LTB4R2: variants seen among roughly 807,000 people sequenced by gnomAD.
The protein encoded by LTB4R2 is LTB4 receptor JULF2.
In LTB4R2, 6 loss-of-function variants were observed where a neutral mutation model predicts 5.3. The observed-to-expected ratio is 1.14, with a 90% CI of 0.62 to 2.24. The LOEUF (loss-of-function observed/expected upper bound fraction) is 2.24. LTB4R2 is among the 30% of genes most tolerant of loss of function. LTB4R2 has a pLI of 0.00. For missense variants in LTB4R2, 560 were observed against 521.5 expected, an observed-to-expected ratio of 1.07 and a Z score of -0.72; for synonymous variants, 310 against 264.2, an observed-to-expected ratio of 1.17 and a Z score of -1.68.
At chr14:24,310,464 G>T in intron 1 of LTB4R2, 191 bp from the exon 2 acceptor site, 1 of 706,124 alleles carries the variant, frequency 1.4e-6, no homozygotes, top group Non-Finnish European at 2.6e-6. Flanking sequence ...GGGAGCAGGG[G>T]ATCTGGGTTC....
rs546778239 is a variant in LTB4R2, at chr14:24,311,568, C to T, written c.904C>T (p.Arg302Cys). The part of the protein sequence containing the change: ...AGDLLPRAGP[R>C]FLTRLFEGSG... ...AGATCTGCTGCCCCGGGCAGGTCCC[C>T]GTTTCCTCACGCGGCTCTTCGAAGG... The change falls in exon 2 of 2, where the codon CGT (arginine) becomes TGT (cysteine). Residue 302 changes from arginine to cysteine, a missense_variant. By Grantham distance (180) the Arg-to-Cys change is radical. Transcript: ENST00000533293. The T allele has an allele frequency of 8.1e-6, 13 of 1,610,114 alleles. No individual in the cohort carries two copies. The East Asian group carries it at 1.6e-4, about 19-fold the overall frequency.
rs1245688036 is a variant in LTB4R2, at chr14:24,311,449, T to C, written c.785T>C (p.Leu262Pro). ...LAPPEGALAK[L>P]GGAGQAARAG... ...CCACCGGAAGGGGCCTTGGCGAAGC[T>C]GGGCGGAGCCGGCCAGGCGGCGCGA... The change falls in exon 2 of 2, where the codon CTG (leucine) becomes CCG (proline). Residue 262 changes from leucine (L) to proline (P), a missense_variant. Leu to Pro is a moderately conservative substitution (Grantham distance 98). Transcript: ENST00000533293. The C allele has an allele frequency of 1.2e-6, 2 of 1,601,262 alleles. No individual in the cohort carries two copies. The highest frequency in any genetic ancestry group is 3.3e-5 in the Admixed American group (2 of 60,006).
rs896592238 is a variant in LTB4R2 at position 24,311,973 on chromosome 14, C to G, written c.*232C>G. 2 of 513,900 alleles carry G rather than the reference C, an allele frequency of 3.9e-6. No homozygotes were observed. The highest frequency in any genetic ancestry group is 3.8e-5 in the South Asian group (1 of 26,180). The allele number at this position is 513,900 out of a possible 1,614,324, so 31.8% of individuals were successfully genotyped here. Reference sequence around the variant, plus strand: ...TGTGTGCTTGCAAGTTGGCATGTACCCATGTGCCAGCATTGCTTACTTGTT... The same window carrying G: ...TGTGTGCTTGCAAGTTGGCATGTACGCATGTGCCAGCATTGCTTACTTGTT... On this transcript the variant is annotated 3_prime_UTR_variant, in exon 2 of 2. Transcript: ENST00000533293.
rs1478505668 is a variant in LTB4R2, at chr14:24,311,185, C to T, written c.521C>T (p.Ser174Leu). The T allele has an allele frequency of 1.0e-5, 16 of 1,607,510 alleles. No individual in the cohort carries two copies. The East Asian group carries it at 2.2e-4, about 23-fold the overall frequency. Residue 174 changes from serine (S) to leucine (L), a missense_variant, in exon 2 of 2, where the codon TCG becomes TTG. Coordinates refer to ENST00000533293, the MANE Select transcript of LTB4R2 (RefSeq NM_019839.5). ...RDRVCQLCHP[S>L]PVHAAAHLSL... is the part of the protein sequence containing the mutation. ...CGCGTATGCCAGCTGTGCCACCCGT[C>T]GCCGGTCCACGCCGCCGCCCACCTG...
In LTB4R2 at chr14:24,310,958, C is replaced by T; in HGVS notation, c.294C>T (p.Tyr98=). The change falls in exon 2 of 2, where the codon TAC becomes TAT. Residue 98 remains tyrosine (Y), a synonymous_variant. Transcript: ENST00000533293. ...PLGQAGCKAV[Y]YVCALSMYAS... The stretch of plus-strand genomic sequence containing the variant: ...GCCAGGCGGGCTGCAAGGCGGTGTA[C>T]TACGTGTGCGCGCTCAGCATGTACG... The T allele has an allele frequency of 1.9e-6, 3 of 1,592,224 alleles. No homozygotes were observed. Among genetic ancestry groups the T allele is most frequent in the Non-Finnish European group, 2.5e-6 (3 of 1,177,148 alleles).
chr14:24,310,758 C>T lies in LTB4R2; in HGVS notation c.94C>T (p.Leu32=). Residue 32 remains leucine, a synonymous_variant, in exon 2 of 2, where the codon CTG becomes TTG. Coordinates refer to ENST00000533293, the MANE Select transcript of LTB4R2 (RefSeq NM_019839.5). The part of the protein sequence containing the change: ...TGTAFLLLAA[L]LGLPGNGFVV... ...CACAGCCTTCCTGCTGCTGGCGGCGCTGCTGGGGCTGCCTGGCAACGGCTT... is the reference window on the plus strand; with the variant it reads ...CACAGCCTTCCTGCTGCTGGCGGCGTTGCTGGGGCTGCCTGGCAACGGCTT... 1 of 1,608,688 alleles carries T rather than the reference C, an allele frequency of 6.2e-7. No individual in the cohort carries two copies.
chr14:24,310,257 T>C lies in LTB4R2; in HGVS notation c.-11+2T>C. On this transcript the variant is annotated splice_donor_variant, in intron 1 of 1. Transcript: ENST00000533293. LOFTEE classifies it low-confidence loss of function (5UTR_SPLICE). ...CCAATCCTGCTTGCTCCCAGCTTGG[T>C]AAGTAGATCTGTGCACGTCCCTTTA... 2.0e-6 allele frequency: 1 copy of C among 511,194 alleles called. No homozygotes were observed. Among genetic ancestry groups the C allele is most frequent in the South Asian group, 2.5e-5 (1 of 40,242 alleles). The allele number at this position is 511,194 out of a possible 1,614,324, so 31.7% of individuals were successfully genotyped here.
rs753822712 is a variant in LTB4R2 at position 24,311,075 on chromosome 14, G to T, written c.411G>T (p.Leu137=). 6.4e-7 allele frequency: 1 copy of T among 1,561,932 alleles called. No individual in the cohort carries two copies. Among genetic ancestry groups the T allele is most frequent in the Non-Finnish European group, 8.6e-7 (1 of 1,162,534 alleles). The change falls in exon 2 of 2, where the codon CTG becomes CTT. Residue 137 remains leucine, a synonymous_variant. Transcript: ENST00000533293. ...FLAPRLRSPA[L]ARRLLLAVWL... ...CGCCTCGGCTGCGCAGCCCGGCCCT[G>T]GCCCGCCGCCTGCTGCTGGCGGTCT...
rs1020012969 is a variant in LTB4R2 at position 24,310,237 on chromosome 14, C to G, written c.-29C>G. The G allele has an allele frequency of 2.1e-6, 1 of 483,446 alleles. No homozygotes were observed. The highest frequency in any genetic ancestry group is 3.7e-6 in the Non-Finnish European group (1 of 269,806). The allele number at this position is 483,446 out of a possible 1,614,324, so 29.9% of individuals were successfully genotyped here. On this transcript the variant is annotated 5_prime_UTR_variant, in exon 1 of 2. In the 5' UTR this introduces an upstream ATG that the reference lacks. Transcript: ENST00000533293. ...CTTTCAGCTTCTCCAGGCCCCCAAT[C>G]CTGCTTGCTCCCAGCTTGGTAAGTA...
In LTB4R2 at chr14:24,311,477, G is replaced by C. The variant is rs752851360; in HGVS notation, c.813G>C (p.Ala271=). The C allele has an allele frequency of 6.2e-6, 10 of 1,601,304 alleles. No individual in the cohort carries two copies. The South Asian group carries it at 1.1e-4, about 18-fold the overall frequency. ...GCGGAGCCGGCCAGGCGGCGCGAGCGGGAACTACGGCCTTGGCCTTCTTCA... is the reference window on the plus strand; with the variant it reads ...GCGGAGCCGGCCAGGCGGCGCGAGCCGGAACTACGGCCTTGGCCTTCTTCA... The part of the protein sequence containing the change: ...KLGGAGQAAR[A]GTTALAFFSS... The change falls in exon 2 of 2, where the codon GCG becomes GCC. Residue 271 remains alanine (A), a synonymous_variant. Transcript: ENST00000533293.
At position 24,311,308 on chromosome 14, in the gene LTB4R2, C is replaced by T. The variant is rs1159303888; in HGVS notation, c.644C>T (p.Ser215Phe). 1.9e-6 allele frequency: 3 copies of T among 1,593,768 alleles called. No homozygotes were observed. The highest frequency in any genetic ancestry group is 1.7e-5 in the Admixed American group (1 of 57,414). Reference protein sequence around the residue: ...LARLRGARWGSGRHGARVGRL... With the variant: ...LARLRGARWGFGRHGARVGRL... The stretch of plus-strand genomic sequence containing the variant: ...CGGCTGCGGGGCGCCCGCTGGGGCT[C>T]CGGGCGGCACGGGGCGCGGGTGGGC... Residue 215 changes from serine to phenylalanine, a missense_variant, in exon 2 of 2, where the codon TCC (serine) becomes TTC (phenylalanine). Coordinates refer to ENST00000533293, the MANE Select transcript of LTB4R2 (RefSeq NM_019839.5).
In LTB4R2 at chr14:24,310,774, G is replaced by C; in HGVS notation, c.110G>C (p.Gly37Ala). 1.2e-6 allele frequency: 2 copies of C among 1,607,450 alleles called. No homozygotes were observed. The highest frequency in any genetic ancestry group is 1.7e-6 in the Non-Finnish European group (2 of 1,179,210). The part of the protein sequence containing the change: ...LLLAALLGLP[G>A]NGFVVWSLAG... ...CTGGCGGCGCTGCTGGGGCTGCCTG[G>C]CAACGGCTTCGTGGTGTGGAGCTTG... The change falls in exon 2 of 2, where the codon GGC becomes GCC. Residue 37 changes from glycine to alanine, a missense_variant. Coordinates refer to ENST00000533293, the MANE Select transcript of LTB4R2 (RefSeq NM_019839.5).
In LTB4R2 at chr14:24,311,494, CCTT is replaced by C. The variant is rs1231966317; in HGVS notation, c.835_837del (p.Phe279del). On this transcript the variant is annotated inframe_deletion, in exon 2 of 2. Coordinates refer to ENST00000533293, the MANE Select transcript of LTB4R2 (RefSeq NM_019839.5). ...GCGCGAGCGGGAACTACGGCCTTGG[CCTT>C]CTTCAGTTCTAGCGTCAACCCGGTG... is the stretch of plus-strand genomic sequence containing the variant. 5 of 1,601,794 alleles carry C rather than the reference CCTT, an allele frequency of 3.1e-6. No homozygotes were observed. The highest frequency in any genetic ancestry group is 1.3e-5 in the African/African-American group (1 of 74,958).
intron 1 of LTB4R2, 129 bp downstream of exon 1, chr14:24,310,384 G>A: frequency 1.6e-6 from 1 of 617,496 alleles, no homozygotes; most frequent in South Asian, 1.9e-5. Context: ...ACAGCCTGGG[G>A]TGATGACTTT....
At position 24,310,712 on chromosome 14, in the gene LTB4R2, G is replaced by C. The variant is rs544367385; in HGVS notation, c.48G>C (p.Trp16Cys). Residue 16 changes from tryptophan to cysteine, a missense_variant, in exon 2 of 2, where the codon TGG becomes TGC. Transcript: ENST00000533293. ...CAGGGAACGAGACACTGCTGAGCTGGAAGACTTCGCGGGCCACAGGCACAG... is the reference window on the plus strand; with the variant it reads ...CAGGGAACGAGACACTGCTGAGCTGCAAGACTTCGCGGGCCACAGGCACAG... ...RPPGNETLLSWKTSRATGTAF... is the reference protein window; with the variant it reads ...RPPGNETLLSCKTSRATGTAF... 9.9e-6 allele frequency: 16 copies of C among 1,612,958 alleles called. No homozygotes were observed. The East Asian group carries it at 3.3e-4, about 34-fold the overall frequency.
At position 24,311,095 on chromosome 14, in the gene LTB4R2, C is replaced by A. The variant is rs895870911; in HGVS notation, c.431C>A (p.Ala144Glu). Residue 144 changes from alanine (A) to glutamate (E), a missense_variant, in exon 2 of 2, where the codon GCG (alanine) becomes GAG (glutamate). Ala to Glu is a moderately radical substitution (Grantham distance 107, BLOSUM62 -1). Transcript: ENST00000533293. ...SPALARRLLL[A>E]VWLAALLLAV... ...GCCCTGGCCCGCCGCCTGCTGCTGGCGGTCTGGCTGGCCGCCCTGTTGCTC... is the reference window on the plus strand; with the variant it reads ...GCCCTGGCCCGCCGCCTGCTGCTGGAGGTCTGGCTGGCCGCCCTGTTGCTC... 1 of 1,562,972 alleles carries A rather than the reference C, an allele frequency of 6.4e-7. No individual in the cohort carries two copies. The highest frequency in any genetic ancestry group is 8.6e-7 in the Non-Finnish European group (1 of 1,161,910).
chr14:24,310,970 G>C lies in LTB4R2; in HGVS notation c.306G>C (p.Ala102=), dbSNP rs958060467. 5.0e-6 allele frequency: 8 copies of C among 1,591,144 alleles called. No homozygotes were observed. The African/African-American group carries it at 6.8e-5, about 14-fold the overall frequency. Residue 102 remains alanine, a synonymous_variant, in exon 2 of 2, where the codon GCG becomes GCC. Coordinates refer to ENST00000533293, the MANE Select transcript of LTB4R2 (RefSeq NM_019839.5). ...AGCKAVYYVC[A]LSMYASVLLT... is the part of the protein sequence containing the mutation. Reference sequence around the variant, plus strand: ...GCAAGGCGGTGTACTACGTGTGCGCGCTCAGCATGTACGCCAGCGTGCTGC... The same window carrying C: ...GCAAGGCGGTGTACTACGTGTGCGCCCTCAGCATGTACGCCAGCGTGCTGC...
rs150416614 is a variant in LTB4R2, at chr14:24,310,810, G to A, written c.146G>A (p.Arg49Gln). ...GTGGTGTGGAGCTTGGCGGGCTGGC[G>A]GCCTGCACGGGGGCGACCGCTGGCG... ...GFVVWSLAGWRPARGRPLAAT... is the reference protein window; with the variant it reads ...GFVVWSLAGWQPARGRPLAAT... The change falls in exon 2 of 2, where the codon CGG becomes CAG. Residue 49 changes from arginine to glutamine, a missense_variant. Physicochemically the swap from Arg to Gln is conservative, Grantham distance 43 (BLOSUM62 1). Coordinates refer to ENST00000533293, the MANE Select transcript of LTB4R2 (RefSeq NM_019839.5). 2.5e-3 allele frequency: 3,959 copies of A among 1,596,906 alleles called. 92 individuals are homozygous for A. The African/African-American group carries it at 0.047, about 19-fold the overall frequency.
At position 24,310,928 on chromosome 14, in the gene LTB4R2, G is replaced by C. The variant is rs1484243245; in HGVS notation, c.264G>C (p.Pro88=). The change falls in exon 2 of 2, where the codon CCG becomes CCC. Residue 88 remains proline, a synonymous_variant. Transcript: ENST00000533293. The part of the protein sequence containing the change: ...FVAFLTRQAW[P]LGQAGCKAVY... The stretch of plus-strand genomic sequence containing the variant: ...CCTTCCTGACCCGGCAGGCCTGGCC[G>C]CTGGGCCAGGCGGGCTGCAAGGCGG... 4 of 1,589,304 alleles carry C rather than the reference G, an allele frequency of 2.5e-6. No homozygotes were observed. The highest frequency in any genetic ancestry group is 1.4e-5 in the African/African-American group (1 of 73,674).
Sources: allele counts gnomAD v4.1 joint callset, GRCh38; gene constraint gnomAD v4.1.1; transcripts MANE v1.5; gene names NCBI Gene and HGNC (gene_info 2026-07-23, HGNC 2026-07-21).